The following BET1 variants were observed in gnomAD, a reference collection of about 807,000 sequenced individuals.
BET1 encodes BET1 homolog.
BET1 carries 9 observed loss-of-function variants against 13.9 expected under a neutral mutation model. That is an observed-to-expected ratio of 0.65 (90% confidence interval 0.39 to 1.13). The LOEUF is 1.13. Ranked by LOEUF, BET1 falls within the 50% of genes most tolerant of loss-of-function variation. The pLI is 0.01. For synonymous variants in BET1, 39 were observed against 47.3 expected, an observed-to-expected ratio of 0.82 and a Z score of 0.72; for missense variants, 127 against 133.6, an observed-to-expected ratio of 0.95 and a Z score of 0.24.
intron 4 of BET1, among the ~76,000 whole-genome samples, chr7:93,979,123 G>A (rs1795386011): frequency 6.6e-6 from 1 of 152,144 alleles, no homozygotes; most frequent in South Asian, 2.1e-4. Flanking sequence ...GGTCAAGTCT[G>A]CATTCTGAGC....
exon 7 of BET1, chr7:93,963,140 G>A (rs568839389): frequency 2.6e-5 from 4 of 152,174 alleles, no homozygotes; most frequent in African/African-American, 9.6e-5. Context: ...ACTGGGGTTA[G>A]TTAGAGATGT....
chr7:93,991,308 G>C (rs923121580), downstream of BET1, among the ~76,000 whole-genome samples: 1 of 152,164 alleles, frequency 6.6e-6, no homozygotes, highest in African/African-American at 2.4e-5. Context: ...TCATTCTCAA[G>C]TTAATTCACC....
At chr7:94,004,161 T>C in intron 1 of BET1, 37 bp downstream of exon 1, 3 of 1,613,944 alleles carry the variant, frequency 1.9e-6, no homozygotes, top group Non-Finnish European at 2.5e-6. Context: ...CTCCCGGTTC[T>C]AGGGCCCCGA....
intron 5 of BET1, among the ~76,000 whole-genome samples, chr7:93,975,017 A>G (rs556098604): frequency 7.5e-4 from 114 of 152,124 alleles, no homozygotes; most frequent in African/African-American, 2.7e-3. Flanking sequence ...TCTCAATCTA[A>G]TCATGAGAAA....
intron 4 of BET1, among the ~76,000 whole-genome samples, chr7:93,977,566 T>C (rs1419370020): frequency 6.6e-6 from 1 of 152,156 alleles, no homozygotes; most frequent in African/African-American, 2.4e-5. Context: ...CCCTGTACTT[T>C]GACCATTTAC....
At chr7:93,976,247 A>G (rs1048091978) in intron 4 of BET1, 1 of 538,242 alleles carries the variant, frequency 1.9e-6, no homozygotes, top group African/African-American at 2.0e-5. Context: ...CTTATGTGAT[A>G]GAAAGCTTTC....
At chr7:93,979,898 C>T (rs1199344835) in intron 4 of BET1, among the ~76,000 whole-genome samples, 1 of 151,994 alleles carries the variant, frequency 6.6e-6, no homozygotes, top group Non-Finnish European at 1.5e-5. Context: ...TAGTGCAGCC[C>T]ACATGCACTT....
At chr7:93,987,602 G>A (rs1795551734) in intron 4 of BET1, among the ~76,000 whole-genome samples, 1 of 152,104 alleles carries the variant, frequency 6.6e-6, no homozygotes, top group Non-Finnish European at 1.5e-5. Flanking sequence ...GTAGCCCCGG[G>A]AGCTTCTAAA....
intron 5 of BET1, among the ~76,000 whole-genome samples, chr7:93,972,829 A>G (rs942507097): frequency 6.6e-6 from 1 of 151,440 alleles, no homozygotes; most frequent in Admixed American, 6.6e-5. Flanking sequence ...GTGGGTAGAC[A>G]GCATCACTCG....
intron 4 of BET1, among the ~76,000 whole-genome samples, chr7:93,978,126 C>A (rs907194918): frequency 6.6e-6 from 1 of 151,610 alleles, no homozygotes; most frequent in Non-Finnish European, 1.5e-5. Flanking sequence ...GGTTGGAGTG[C>A]AGTGGCATGA....
chr7:93,980,628 G>T (rs1323809644), intron 4 of BET1, among the ~76,000 whole-genome samples: 1 of 152,062 alleles, frequency 6.6e-6, no homozygotes, highest in Non-Finnish European at 1.5e-5. Context: ...ACATAATAAA[G>T]GCCATACATG....
Position 93,994,216 on chromosome 7 carries a change from C to G in BET1, c.*14G>C, listed in dbSNP as rs1562806468. 14 of 1,582,696 alleles carry G rather than the reference C, an allele frequency of 8.8e-6. No homozygotes were observed. Among genetic ancestry groups the G allele is most frequent in the Non-Finnish European group, 1.2e-5 (14 of 1,164,836 alleles). The stretch of plus-strand genomic sequence containing the variant: ...ATTAAGTTGGAACAAATTCCAAATT[C>G]ACAATTACATGCATCACCTCAGTTT... On this transcript the variant is annotated 3_prime_UTR_variant, in exon 4 of 4. Transcript: ENST00000222547.
intron 6 of BET1, among the ~76,000 whole-genome samples, chr7:93,970,536 A>G (rs1360741057): frequency 6.6e-6 from 1 of 151,850 alleles, no homozygotes; most frequent in Non-Finnish European, 1.5e-5. Context: ...ATGCAAATAT[A>G]TAGTCATAAT....
At chr7:94,003,501 A>T (rs1479115744) in intron 1 of BET1, among the ~76,000 whole-genome samples, 2 of 152,198 alleles carry the variant, frequency 1.3e-5, no homozygotes, top group Admixed American at 6.5e-5. Flanking sequence ...CAGAACCAGA[A>T]AATGCCGTTC....
intron 6 of BET1, among the ~76,000 whole-genome samples, chr7:93,970,369 A>G (rs1375419747): frequency 6.6e-6 from 1 of 151,912 alleles, no homozygotes; most frequent in Non-Finnish European, 1.5e-5. Context: ...TAATGAATGC[A>G]GGGCCAAATT....
Position 93,993,329 on chromosome 7 carries a change from T to A in BET1, c.*901A>T, listed in dbSNP as rs1795680147. On this transcript the variant is annotated 3_prime_UTR_variant, in exon 4 of 4. Coordinates refer to ENST00000222547, the MANE Select transcript of BET1 (RefSeq NM_005868.6). ...TTCCAAAATACAGAATATTTAACAA[T>A]ATTTAATATTTTTTACTCAACAGTC... The A allele has an allele frequency of 8.5e-6, 8 of 939,332 alleles. No homozygotes were observed. The highest frequency in any genetic ancestry group is 1.0e-5 in the Non-Finnish European group (8 of 787,898). The allele number at this position is 939,332 out of a possible 1,614,324, so 58.2% of individuals were successfully genotyped here.
chr7:93,993,000 A>C, downstream of BET1: 1 of 985,086 alleles, frequency 1.0e-6, no homozygotes, highest in African/African-American at 1.7e-5. Context: ...ATAGAACCCA[A>C]ACTGACAGGT....
At chr7:93,966,572 A>G (rs964286663) in intron 6 of BET1, among the ~76,000 whole-genome samples, 18 of 151,312 alleles carry the variant, frequency 1.2e-4, no homozygotes, top group Admixed American at 1.1e-3. Flanking sequence ...ATGTCACTTG[A>G]AAGTCTGACG....
intron 4 of BET1, chr7:93,987,182 G>T (rs538960742): frequency 6.6e-6 from 1 of 152,184 alleles, no homozygotes; most frequent in Admixed American, 6.5e-5. Flanking sequence ...ATCGACTTGG[G>T]TCAGAGATAC....
Sources: gnomAD v4.1 joint callset for allele counts (sites outside exome capture counted in the v4.1 genomes callset) on GRCh38, gnomAD v4.1.1 for gene constraint, MANE v1.5 for transcripts, NCBI Gene and HGNC (gene_info 2026-07-23, HGNC 2026-07-21) for gene names.